Variants in MANSC1 observed in about 807,000 individuals in gnomAD.
The protein encoded by MANSC1 is MANSC domain-containing protein 1.
In MANSC1, 13 loss-of-function variants were observed where a neutral mutation model predicts 14.1. The observed-to-expected ratio is 0.92, with a 90% CI of 0.60 to 1.46. The LOEUF is 1.46. MANSC1 is among the 40% of genes most tolerant of loss of function. The pLI is 0.00. For missense variants in MANSC1, 486 were observed against 511.4 expected (o/e 0.95, Z 0.48); for synonymous variants, 227 against 200.7 (o/e 1.13, Z -1.11).
intron 2 of MANSC1, among the ~76,000 whole-genome samples, chr12:12,339,743 C>T (rs551749437): frequency 2.8e-4 from 43 of 152,130 alleles, no homozygotes; most frequent in Non-Finnish European, 4.7e-4. Context: ...TTACCCCTCT[C>T]TCCTTGTCAT....
rs1862704767 is a variant in MANSC1 at position 12,326,466 on chromosome 12, G to T, written c.*3561C>A. 1 of 152,224 alleles carries T rather than the reference G, an allele frequency of 6.6e-6. No homozygotes were observed. Among genetic ancestry groups the T allele is most frequent in the South Asian group, 2.1e-4 (1 of 4,832 alleles). The allele number at this position is 152,224 out of a possible 1,614,324, so 9.4% of individuals were successfully genotyped here. A position where few individuals can be genotyped will look rare whatever the true frequency, so the allele number is the denominator to read the frequency against. On this transcript the variant is annotated 3_prime_UTR_variant, in exon 4 of 4. Transcript: ENST00000535902. ...AAGTGGGACTAGGGCTGGCTGCTGG[G>T]CAGCTGACCGGTAGTGCCCACCACA...
intron 3 of MANSC1, among the ~76,000 whole-genome samples, chr12:12,337,274 C>G (rs1401056277): frequency 3.3e-5 from 5 of 150,248 alleles, no homozygotes; most frequent in African/African-American, 7.4e-5. Context: ...GAGACTCTCT[C>G]TCAAAAAACA....
At chr12:12,343,491 A>T in intron 1 of MANSC1, 77 bp from the exon 2 acceptor site, 1 of 569,136 alleles carries the variant, frequency 1.8e-6, no homozygotes, top group Admixed American at 3.2e-5. Flanking sequence ...ATTTCCTTAA[A>T]GTCAATGAAA....
At chr12:12,338,784 G>A (rs886123966) in intron 2 of MANSC1, 8 of 574,960 alleles carry the variant, frequency 1.4e-5, no homozygotes, top group East Asian at 9.4e-5. Context: ...AGGTGGCACC[G>A]AAGGCGAAGA....
chr12:12,333,253 C>T (rs988641717), intron 3 of MANSC1, among the ~76,000 whole-genome samples: 3 of 151,892 alleles, frequency 2.0e-5, no homozygotes, highest in African/African-American at 7.3e-5. Flanking sequence ...TGCCATGTTG[C>T]CCAGGCTGGT....
chr12:12,328,983 G>GACACAC lies in MANSC1; in HGVS notation c.*1043_*1044insGTGTGT, dbSNP rs1565789689. 16 of 43,464 alleles carry GACACAC rather than the reference G, an allele frequency of 3.7e-4. No individual in the cohort carries two copies. Among genetic ancestry groups the GACACAC allele is most frequent in the Admixed American group, 2.7e-3 (11 of 4,034 alleles). The allele number at this position is 43,464 out of a possible 1,614,324, so 2.7% of individuals were successfully genotyped here. ...AGCCTGGGTGACAGAGCAAGACTCTGTCACACACACACACACACACACACA... is the reference window on the plus strand; with the variant it reads ...AGCCTGGGTGACAGAGCAAGACTCTGACACACTCACACACACACACACACACACACA... On this transcript the variant is annotated 3_prime_UTR_variant, in exon 4 of 4. Coordinates refer to ENST00000535902, the MANE Select transcript of MANSC1 (RefSeq NM_018050.4).
chr12:12,333,044 A>AATATATATAT (rs147386841), intron 3 of MANSC1, among the ~76,000 whole-genome samples: 9 of 148,448 alleles, frequency 6.1e-5, no homozygotes, highest in Admixed American at 2.0e-4. Flanking sequence ...TATATTTGAA[A>AATATATATAT]ATATATATAT....
intron 2 of MANSC1, chr12:12,338,877 CCACACACACACAAACACA>C: frequency 3.8e-6 from 1 of 264,240 alleles, no homozygotes; most frequent in Non-Finnish European, 6.9e-6. Flanking sequence ...GCATCCACAA[CCACACACACACAAACACA>C]CACACACACA....
intron 1 of MANSC1, among the ~76,000 whole-genome samples, chr12:12,347,027 G>T (rs569606161): frequency 5.9e-5 from 9 of 151,872 alleles, no homozygotes; most frequent in South Asian, 2.1e-4. Context: ...GCAGTCCATA[G>T]CCTTTCTCGC....
Position 12,330,262 on chromosome 12 carries a change from G to C in MANSC1, c.1061C>G (p.Thr354Ser). Residue 354 changes from threonine to serine, a missense_variant, in exon 4 of 4, where the codon ACT becomes AGT. Thr to Ser is a moderately conservative substitution (Grantham distance 58, BLOSUM62 1). Transcript: ENST00000535902. ...SNVESSTMNK[T>S]ASWEGREASP... ...GGCCTCCCTACCTTCCCAGGAAGCAGTTTTATTCATAGTGGAAGACTCCAC... is the reference window on the plus strand; with the variant it reads ...GGCCTCCCTACCTTCCCAGGAAGCACTTTTATTCATAGTGGAAGACTCCAC... 1 of 1,614,236 alleles carries C rather than the reference G, an allele frequency of 6.2e-7. No homozygotes were observed. Among genetic ancestry groups the C allele is most frequent in the African/African-American group, 1.3e-5 (1 of 75,058 alleles).
chr12:12,343,553 C>A, intron 1 of MANSC1, 139 bp from the exon 2 acceptor site: 5 of 486,082 alleles, frequency 1.0e-5, no homozygotes, highest in Non-Finnish European at 1.8e-5. Flanking sequence ...TTTTGTTTCA[C>A]TTTTAGTAAA....
intron 3 of MANSC1, among the ~76,000 whole-genome samples, chr12:12,332,801 G>A (rs761273284): frequency 1.8e-4 from 28 of 152,152 alleles, no homozygotes; most frequent in Non-Finnish European, 3.4e-4. Context: ...GATTATAGAG[G>A]TGAGCCACCA....
intron 2 of MANSC1, chr12:12,338,778 G>A: frequency 1.7e-6 from 1 of 582,542 alleles, no homozygotes; most frequent in Non-Finnish European, 3.0e-6. Flanking sequence ...TTCACAAGGT[G>A]GCACCGAAGG....
rs1332222076 is a variant in MANSC1 at position 12,328,146 on chromosome 12, T to A, written c.*1881A>T. ...GTATCAAACTGACCCAGGGGACTTC[T>A]GGACTCTTTGTTACCTCACCTATAA... On this transcript the variant is annotated 3_prime_UTR_variant, in exon 4 of 4. Transcript: ENST00000535902. The A allele has an allele frequency of 6.6e-6, 1 of 150,586 alleles. No homozygotes were observed. The highest frequency in any genetic ancestry group is 1.5e-5 in the Non-Finnish European group (1 of 67,370). 9.3% of individuals were successfully genotyped at this position (150,586 alleles called of 1,614,324 possible). A position where few individuals can be genotyped will look rare whatever the true frequency, so the allele number is the denominator to read the frequency against.
At chr12:12,344,514 G>A (rs1244844387) in intron 1 of MANSC1, among the ~76,000 whole-genome samples, 4 of 150,886 alleles carry the variant, frequency 2.7e-5, no homozygotes, top group Admixed American at 2.6e-4. Flanking sequence ...GCTGTCGCCA[G>A]GCTGGAGTGC....
chr12:12,335,748 A>G (rs773548006), intron 3 of MANSC1, among the ~76,000 whole-genome samples: 19 of 151,838 alleles, frequency 1.3e-4, no homozygotes, highest in Non-Finnish European at 2.5e-4. Flanking sequence ...AGGCTGAGGC[A>G]GGAGAATCAC....
At chr12:12,343,439 A>T in intron 1 of MANSC1, 25 bp from the exon 2 acceptor site, 1 of 623,010 alleles carries the variant, frequency 1.6e-6, no homozygotes, top group Non-Finnish European at 2.8e-6. Context: ...GAAAATCATC[A>T]ATGAGTTTTG....
At chr12:12,347,611 A>G (rs1323246384) in intron 1 of MANSC1, among the ~76,000 whole-genome samples, 2 of 152,388 alleles carry the variant, frequency 1.3e-5, no homozygotes, top group South Asian at 2.1e-4. Flanking sequence ...CACCTTATCA[A>G]AGAAGATATA....
At chr12:12,336,405 A>G (rs901116407) in intron 3 of MANSC1, among the ~76,000 whole-genome samples, 1 of 152,170 alleles carries the variant, frequency 6.6e-6, no homozygotes, top group African/African-American at 2.4e-5. Flanking sequence ...CTGATTGTCT[A>G]TTATACCGTC....
Sources: allele counts gnomAD v4.1 joint callset (sites outside exome capture counted in the v4.1 genomes callset), GRCh38; gene constraint gnomAD v4.1.1; transcripts MANE v1.5; gene names NCBI Gene and HGNC (gene_info 2026-07-23, HGNC 2026-07-21).